The following ZNF716 variants were observed in gnomAD, a reference collection of about 807,000 sequenced individuals.
The protein encoded by ZNF716 is zinc finger protein 716.
Under a neutral mutation model 13.4 loss-of-function variants are expected in ZNF716, and 9 were observed. The observed-to-expected ratio is 0.67, with a 90% CI of 0.41 to 1.18. The LOEUF (loss-of-function observed/expected upper bound fraction) is 1.18. Ranked by LOEUF, ZNF716 falls within the 50% of genes most tolerant of loss-of-function variation. ZNF716 has a pLI of 0.01. For missense variants in ZNF716, 581 were observed against 576.6 expected (o/e 1.01, Z -0.08); for synonymous variants, 186 against 195.2 (o/e 0.95, Z 0.39).
At chr7:57,462,935 T>C in intron 2 of ZNF716, 138 bp from the exon 3 acceptor site, 2 of 1,262,278 alleles carry the variant, frequency 1.6e-6, no homozygotes, top group Non-Finnish European at 1.1e-6. Context: ...ATTTTCTAAA[T>C]AGCTACAAAG....
chr7:57,464,225 G>A lies in ZNF716; in HGVS notation c.262+1057G>A, dbSNP rs1789764442. 2.8e-5 allele frequency among the ~76,000 whole-genome samples: 4 copies of A among 145,064 alleles called. 1 individual carries two copies. In the South Asian group the frequency reaches 8.8e-4, roughly 32 times the overall value. ...CAACCCCTGCCTCCCACATCCAAATGATTCGCCTGCCTCAGCCTCCTGAGT... is the reference window on the plus strand; with the variant it reads ...CAACCCCTGCCTCCCACATCCAAATAATTCGCCTGCCTCAGCCTCCTGAGT... On this transcript the variant is annotated intron_variant, in intron 3 of 3. Coordinates refer to ENST00000420713, the MANE Select transcript of ZNF716 (RefSeq NM_001159279.1).
rs782471990 is a variant in ZNF716 at position 57,468,744 on chromosome 7, C to A, written c.283C>A (p.Gln95Lys). ...KHPVTCSHFTQDLQSEQGIKD... is the reference protein window; with the variant it reads ...KHPVTCSHFTKDLQSEQGIKD... ...TTCAGTTACATGTTCTCATTTCACC[C>A]AAGACCTTCAGTCAGAGCAGGGCAT... The change falls in exon 4 of 4, where the codon CAA (glutamine) becomes AAA (lysine). Residue 95 changes from glutamine to lysine, a missense_variant. Physicochemically the swap from Gln to Lys is moderately conservative, Grantham distance 53. Transcript: ENST00000420713. 3.8e-5 allele frequency: 61 copies of A among 1,609,960 alleles called. No individual in the cohort carries two copies. The highest frequency in any genetic ancestry group is 5.1e-5 in the Non-Finnish European group (60 of 1,178,852).
At chr7:57,457,996 C>G (rs2116409551) in intron 1 of ZNF716, among the ~76,000 whole-genome samples, 1 of 152,320 alleles carries the variant, frequency 6.6e-6, no homozygotes, top group Admixed American at 6.5e-5. Context: ...GTTGTTCTTT[C>G]TTATAACTGC....
intron 3 of ZNF716, among the ~76,000 whole-genome samples, chr7:57,464,677 G>A (rs1789774254): frequency 1.3e-5 from 2 of 151,650 alleles, no homozygotes; most frequent in South Asian, 2.1e-4. Flanking sequence ...CCAATGTCCT[G>A]TCTTTCCACT....
At chr7:57,457,332 C>G (rs553621980) in intron 1 of ZNF716, among the ~76,000 whole-genome samples, 2 of 152,000 alleles carry the variant, frequency 1.3e-5, no homozygotes, top group Admixed American at 1.3e-4. Context: ...ACCTTGCACC[C>G]TTTCCCACCC....
rs1217098276 is a variant in ZNF716 at position 57,470,452 on chromosome 7, A to C, written c.*503A>C. ...GCCTAAGAGAATTTATATTAGAGAG[A>C]CTCTACAAAGGTCAAAAATGTGACA... is the stretch of plus-strand genomic sequence containing the variant. On this transcript the variant is annotated 3_prime_UTR_variant, in exon 4 of 4. Coordinates refer to ENST00000420713, the MANE Select transcript of ZNF716 (RefSeq NM_001159279.1). 5 of 155,468 alleles carry C rather than the reference A, an allele frequency of 3.2e-5. No individual in the cohort carries two copies. Among genetic ancestry groups the C allele is most frequent in the African/African-American group, 1.2e-4 (5 of 41,410 alleles). The allele number at this position is 155,468 out of a possible 1,614,324, so 9.6% of individuals were successfully genotyped here.
intron 1 of ZNF716, among the ~76,000 whole-genome samples, chr7:57,457,437 C>G (rs1216084712): frequency 1.3e-5 from 2 of 152,106 alleles, no homozygotes; most frequent in African/African-American, 2.4e-5. Context: ...TTCTGCCTCC[C>G]AGGTTCAAGC....
intron 1 of ZNF716, among the ~76,000 whole-genome samples, chr7:57,450,820 C>T (rs563936459): frequency 6.6e-6 from 1 of 152,146 alleles, no homozygotes; most frequent in African/African-American, 2.4e-5. Flanking sequence ...GGTTGTGATC[C>T]ATGGGAGAGA....
At position 57,469,866 on chromosome 7, in the gene ZNF716, T is replaced by C; in HGVS notation, c.1405T>C (p.Cys469Arg). ...AGAGAAACCCTACAAATGTGAAGAA[T>C]GTGACCAAACTTTTAAGTGGCATTC... is the stretch of plus-strand genomic sequence containing the variant. The part of the protein sequence containing the change: ...TGEKPYKCEE[C>R]DQTFKWHSSL... The change falls in exon 4 of 4, where the codon TGT becomes CGT. Residue 469 changes from cysteine (C) to arginine (R), a missense_variant. By Grantham distance (180) the Cys-to-Arg change is radical. Coordinates refer to ENST00000420713, the MANE Select transcript of ZNF716 (RefSeq NM_001159279.1). 2 of 1,601,124 alleles carry C rather than the reference T, an allele frequency of 1.2e-6. No individual in the cohort carries two copies. The highest frequency in any genetic ancestry group is 2.2e-5 in the South Asian group (2 of 89,670).
At chr7:57,462,713 C>A in intron 2 of ZNF716, 127 bp downstream of exon 2, 1 of 1,147,280 alleles carries the variant, frequency 8.7e-7, no homozygotes, top group Non-Finnish European at 1.2e-6. Flanking sequence ...CTTGGGGATT[C>A]ATTGGTATAT....
chr7:57,450,749 T>C (rs1789472499), intron 1 of ZNF716, among the ~76,000 whole-genome samples: 1 of 152,086 alleles, frequency 6.6e-6, no homozygotes, highest in South Asian at 2.1e-4. Context: ...GCTGTAAAAA[T>C]ATCAGAGAAT....
At chr7:57,458,768 A>G (rs1367739787) in intron 1 of ZNF716, among the ~76,000 whole-genome samples, 5 of 152,140 alleles carry the variant, frequency 3.3e-5, no homozygotes, top group African/African-American at 1.2e-4. Flanking sequence ...AACTATAAAT[A>G]TTTATGTTTC....
chr7:57,467,311 A>G (rs190590224), intron 3 of ZNF716, among the ~76,000 whole-genome samples: 1 of 151,620 alleles, frequency 6.6e-6, no homozygotes, highest in Non-Finnish European at 1.5e-5. Flanking sequence ...TATTTTTTGT[A>G]GATGCATATG....
At chr7:57,467,446 T>C (rs1789836711) in intron 3 of ZNF716, among the ~76,000 whole-genome samples, 1 of 152,150 alleles carries the variant, frequency 6.6e-6, no homozygotes, top group Non-Finnish European at 1.5e-5. Context: ...TTCTGGAAGA[T>C]CTTTATTTTT....
At chr7:57,460,921 A>T (rs188077226) in intron 1 of ZNF716, among the ~76,000 whole-genome samples, 3 of 152,178 alleles carry the variant, frequency 2.0e-5, no homozygotes, top group Admixed American at 6.6e-5. Context: ...ATTAAAAATT[A>T]CAGGCAGGGA....
At chr7:57,458,728 C>A (rs559042065) in intron 1 of ZNF716, among the ~76,000 whole-genome samples, 1 of 152,228 alleles carries the variant, frequency 6.6e-6, no homozygotes, top group South Asian at 2.1e-4. Flanking sequence ...GCCCATTGAG[C>A]TTTTTATAGT....
chr7:57,459,076 T>C (rs1789656802), intron 1 of ZNF716, among the ~76,000 whole-genome samples: 2 of 152,254 alleles, frequency 1.3e-5, no homozygotes, highest in Admixed American at 1.3e-4. Context: ...TCAATTTTTA[T>C]GTAATTGTAT....
intron 1 of ZNF716, among the ~76,000 whole-genome samples, chr7:57,455,797 C>T (rs1315478068): frequency 6.6e-6 from 1 of 152,180 alleles, no homozygotes; most frequent in Non-Finnish European, 1.5e-5. Context: ...GGATTACAGA[C>T]ATGAGCCGTC....
intron 3 of ZNF716, among the ~76,000 whole-genome samples, chr7:57,467,390 A>G (rs1789835699): frequency 1.3e-5 from 2 of 151,966 alleles, no homozygotes; most frequent in South Asian, 4.1e-4. Flanking sequence ...TCAGCATTTT[A>G]TTTAGGGCAC....
Sources: allele counts gnomAD v4.1 joint callset (sites outside exome capture counted in the v4.1 genomes callset), GRCh38; gene constraint gnomAD v4.1.1; transcripts MANE v1.5; gene names NCBI Gene and HGNC (gene_info 2026-07-23, HGNC 2026-07-21).